NALF1: variants seen among roughly 807,000 people sequenced by gnomAD.
NALF1 encodes the protein NALCN channel auxiliary factor 1.
Under a neutral mutation model 48.4 loss-of-function variants are expected in NALF1, and 3 were observed. The observed-to-expected ratio is 0.06, with a 90% CI of 0.03 to 0.16. NALF1 has a LOEUF of 0.16. Ranked by LOEUF, NALF1 falls within the 10% of genes least tolerant of loss-of-function variation. The pLI is 1.00. For synonymous variants in NALF1, 262 were observed against 245.7 expected, an observed-to-expected ratio of 1.07 and a Z score of -0.62; for missense variants, 526 against 571.5, an observed-to-expected ratio of 0.92 and a Z score of 0.81.
At chr13:107,590,824 T>C (rs1015760116) in intron 1 of NALF1, among the ~76,000 whole-genome samples, 1 of 151,970 alleles carries the variant, frequency 6.6e-6, no homozygotes, top group Admixed American at 6.6e-5. Context: ...ACAGTTTTGA[T>C]GACTCTCCTG....
At chr13:107,392,282 G>A (rs1883639695) in intron 1 of NALF1, among the ~76,000 whole-genome samples, 1 of 151,950 alleles carries the variant, frequency 6.6e-6, no homozygotes, top group African/African-American at 2.4e-5. Context: ...ACCCTTGCAG[G>A]GGCCCTCACC....
intron 1 of NALF1, among the ~76,000 whole-genome samples, chr13:107,449,969 T>A (rs1204653343): frequency 6.6e-6 from 1 of 151,956 alleles, no homozygotes; most frequent in Admixed American, 6.6e-5. Context: ...CTGGCCAGAG[T>A]TGGCATCAGC....
intron 1 of NALF1, among the ~76,000 whole-genome samples, chr13:107,473,772 C>A (rs1295551528): frequency 2.6e-5 from 4 of 152,168 alleles, no homozygotes; most frequent in East Asian, 3.9e-4. Flanking sequence ...GATTTACATA[C>A]AAAATTCTAC....
At chr13:107,678,199 T>G (rs540726345) in intron 1 of NALF1, among the ~76,000 whole-genome samples, 1 of 152,270 alleles carries the variant, frequency 6.6e-6, no homozygotes, top group South Asian at 2.1e-4. Context: ...TTACAAGCTT[T>G]CTTTTTCCTT....
chr13:107,477,093 A>C (rs1282821142), intron 1 of NALF1, among the ~76,000 whole-genome samples: 1 of 152,124 alleles, frequency 6.6e-6, no homozygotes, highest in Non-Finnish European at 1.5e-5. Context: ...ATTTCTGAAA[A>C]ATAGAAATTT....
chr13:107,250,091 G>GT (rs36112310), intron 1 of NALF1, among the ~76,000 whole-genome samples: 9,186 of 145,860 alleles, frequency 0.063, 664 homozygotes, highest in African/African-American at 0.18. Flanking sequence ...AGCCACTGGT[G>GT]TTTTTTTTTT....
chr13:107,828,906 A>G (rs1273679157), intron 1 of NALF1, among the ~76,000 whole-genome samples: 1 of 152,194 alleles, frequency 6.6e-6, no homozygotes, highest in Non-Finnish European at 1.5e-5. Flanking sequence ...TTTTGGTTAT[A>G]CATGAATCAT....
At chr13:107,644,298 A>C (rs1209830913) in intron 1 of NALF1, among the ~76,000 whole-genome samples, 1 of 152,010 alleles carries the variant, frequency 6.6e-6, no homozygotes, top group Non-Finnish European at 1.5e-5. Context: ...GTTGTGTGAT[A>C]GCTTCTGTTG....
chr13:107,680,185 A>G (rs998095018), intron 1 of NALF1, among the ~76,000 whole-genome samples: 2 of 152,150 alleles, frequency 1.3e-5, no homozygotes, highest in Admixed American at 6.5e-5. Context: ...AGAGGAGCCA[A>G]TGTTGCCAAG....
chr13:107,815,154 T>C (rs1879124840), intron 1 of NALF1, among the ~76,000 whole-genome samples: 1 of 152,124 alleles, frequency 6.6e-6, no homozygotes, highest in Non-Finnish European at 1.5e-5. Flanking sequence ...AAAAGATACA[T>C]TTGATTTCAT....
chr13:107,598,809 G>C (rs1267258489), intron 1 of NALF1, among the ~76,000 whole-genome samples: 2 of 151,934 alleles, frequency 1.3e-5, no homozygotes, highest in Non-Finnish European at 2.9e-5. Context: ...TGAGGCAGTG[G>C]CCTTCTCCCT....
intron 1 of NALF1, among the ~76,000 whole-genome samples, chr13:107,385,437 C>A (rs1313096562): frequency 1.3e-5 from 2 of 151,524 alleles, no homozygotes; most frequent in African/African-American, 4.8e-5. Flanking sequence ...CCTGTAATCC[C>A]AGATGCTCAG....
chr13:107,824,284 T>C (rs1879446810), intron 1 of NALF1, among the ~76,000 whole-genome samples: 1 of 152,142 alleles, frequency 6.6e-6, no homozygotes, highest in South Asian at 2.1e-4. Flanking sequence ...ATTGTTAATA[T>C]AGGGACCCCT....
chr13:107,656,648 C>T, intron 1 of NALF1, among the ~76,000 whole-genome samples: 1 of 152,142 alleles, frequency 6.6e-6, no homozygotes, highest in East Asian at 1.9e-4. Flanking sequence ...TCCAGCAATC[C>T]CACTACTGGG....
At chr13:107,665,893 T>C (rs1880846462) in intron 1 of NALF1, among the ~76,000 whole-genome samples, 1 of 152,162 alleles carries the variant, frequency 6.6e-6, no homozygotes, top group African/African-American at 2.4e-5. Flanking sequence ...AGTCCATATC[T>C]AAAGAACAGA....
chr13:107,165,199 C>G lies in NALF1; in HGVS notation c.*5298G>C, dbSNP rs1878633579. On this transcript the variant is annotated 3_prime_UTR_variant, in exon 3 of 3. Transcript: ENST00000375915. ...TTTACCTCCAAAATATTGAATAACA[C>G]AGCAAAGTCATGGAACAAAATGTAA... is the stretch of plus-strand genomic sequence containing the variant. 1 of 152,158 alleles carries G rather than the reference C, an allele frequency of 6.6e-6. No individual in the cohort carries two copies. Among genetic ancestry groups the G allele is most frequent in the Non-Finnish European group, 1.5e-5 (1 of 68,038 alleles). 9.4% of individuals were successfully genotyped at this position (152,158 alleles called of 1,614,324 possible). A position where few individuals can be genotyped will look rare whatever the true frequency, so the allele number is the denominator to read the frequency against.
intron 1 of NALF1, among the ~76,000 whole-genome samples, chr13:107,462,511 G>GT (rs1884935747): frequency 6.6e-6 from 1 of 152,098 alleles, no homozygotes; most frequent in South Asian, 2.1e-4. Context: ...TGAAATGGGT[G>GT]TAATGACACA....
At chr13:107,361,314 G>A (rs564797605) in intron 1 of NALF1, among the ~76,000 whole-genome samples, 7 of 152,146 alleles carry the variant, frequency 4.6e-5, no homozygotes, top group Admixed American at 2.0e-4. Flanking sequence ...GAAGTCCACC[G>A]AATGAACAAG....
intron 1 of NALF1, among the ~76,000 whole-genome samples, chr13:107,491,225 T>C (rs1315535680): frequency 6.6e-6 from 1 of 152,190 alleles, no homozygotes; most frequent in African/African-American, 2.4e-5. Context: ...AGAACATTTA[T>C]AAAGGCTTAC....
Sources: allele counts gnomAD v4.1 joint callset (sites outside exome capture counted in the v4.1 genomes callset), GRCh38; gene constraint gnomAD v4.1.1; transcripts MANE v1.5; gene names NCBI Gene and HGNC (gene_info 2026-07-23, HGNC 2026-07-21).